Variants in SEMA6D observed in about 807,000 individuals in gnomAD.
SEMA6D encodes the protein semaphorin 6D, also known as semaphorin-6D.
Under a neutral mutation model 106.6 loss-of-function variants are expected in SEMA6D, and 35 were observed. The ratio of observed to expected loss-of-function variants is 0.33; its 90% CI spans 0.25 to 0.44. The LOEUF (loss-of-function observed/expected upper bound fraction) is 0.44. Ranked by LOEUF, SEMA6D falls within the 20% of genes least tolerant of loss-of-function variation. SEMA6D has a pLI of 1.00. For missense variants in SEMA6D, 1,185 were observed against 1,345.9 expected, an observed-to-expected ratio of 0.88 and a Z score of 1.87; for synonymous variants, 499 against 487.7, an observed-to-expected ratio of 1.02 and a Z score of -0.31.
At chr15:47,602,328 C>G (rs2076679425) in intron 4 of SEMA6D, among the ~76,000 whole-genome samples, 2 of 152,284 alleles carry the variant, frequency 1.3e-5, no homozygotes, top group Admixed American at 6.5e-5. Context: ...AAGGTAATTA[C>G]AATTGTCACC....
intron 1 of SEMA6D, among the ~76,000 whole-genome samples, chr15:47,247,525 T>C (rs934416202): frequency 5.3e-5 from 8 of 152,338 alleles, no homozygotes; most frequent in Admixed American, 4.6e-4. Context: ...AATATGATTT[T>C]ACATGAATTA....
chr15:47,349,025 G>A (rs186882740), intron 1 of SEMA6D, among the ~76,000 whole-genome samples: 127 of 152,198 alleles, frequency 8.3e-4, no homozygotes, highest in Non-Finnish European at 1.6e-3. Context: ...TAGGAGGGCT[G>A]GAGCAAGGGA....
At chr15:47,278,656 G>A (rs1595614799) in intron 1 of SEMA6D, among the ~76,000 whole-genome samples, 1 of 152,048 alleles carries the variant, frequency 6.6e-6, no homozygotes, top group Admixed American at 6.5e-5. Flanking sequence ...TGTTACCATT[G>A]CTTTTGGTGT....
chr15:47,575,623 G>A (rs2076143606), intron 3 of SEMA6D, among the ~76,000 whole-genome samples: 1 of 152,116 alleles, frequency 6.6e-6, no homozygotes, highest in African/African-American at 2.4e-5. Flanking sequence ...GGAGGCTGAG[G>A]CAGGAGAATC....
rs187911505 is a variant in SEMA6D, at chr15:47,397,256, T to C, written c.-238-15137T>C. On this transcript the variant is annotated intron_variant, in intron 1 of 19. Coordinates refer to the SEMA6D transcript ENST00000558014. ...TAGTATGTGGGTTCTGTGCTCATAG[T>C]AGAGGTCAGGCTAGAAATACCAATC... Among the ~76,000 whole-genome samples, 6 of 152,306 alleles carry C rather than the reference T, an allele frequency of 3.9e-5. No homozygotes were observed. In the East Asian group the frequency reaches 9.7e-4, roughly 25 times the overall value.
intron 2 of SEMA6D, among the ~76,000 whole-genome samples, chr15:47,413,344 C>A (rs769602546): frequency 6.6e-6 from 1 of 151,918 alleles, no homozygotes; most frequent in Non-Finnish European, 1.5e-5. Flanking sequence ...CTTTGAACCC[C>A]GTTTTGTTTA....
At position 47,572,656 on chromosome 15, in the gene SEMA6D, G is replaced by A. The variant is rs1407298269; in HGVS notation, c.-86-28209G>A. On this transcript the variant is annotated intron_variant, in intron 3 of 19. Transcript: ENST00000558014. ...CACATGCATTCTCACACATATACAC[G>A]CAAACACACAAACACATATATACAA... Among the ~76,000 whole-genome samples the A allele has an allele frequency of 5.3e-5, 8 of 152,020 alleles. No homozygotes were observed. The South Asian group carries it at 8.3e-4, about 16-fold the overall frequency.
chr15:47,405,079 G>A (rs1274783463), intron 1 of SEMA6D, among the ~76,000 whole-genome samples: 2 of 152,114 alleles, frequency 1.3e-5, no homozygotes. Context: ...GCAAGCAGCA[G>A]TGCAAAGGCA....
chr15:47,186,203 T>C (rs538876503), intron 1 of SEMA6D, among the ~76,000 whole-genome samples: 1 of 152,260 alleles, frequency 6.6e-6, no homozygotes, highest in South Asian at 2.1e-4. Flanking sequence ...ATGGACCTGC[T>C]AAGTGTATCA....
At chr15:47,539,859 T>C (rs1216730576) in intron 3 of SEMA6D, among the ~76,000 whole-genome samples, 2 of 152,142 alleles carry the variant, frequency 1.3e-5, no homozygotes, top group African/African-American at 4.8e-5. Context: ...TTCTCTATCA[T>C]GATGGAGTTG....
chr15:47,410,656 G>C (rs2040761124), intron 1 of SEMA6D, among the ~76,000 whole-genome samples: 1 of 152,080 alleles, frequency 6.6e-6, no homozygotes, highest in East Asian at 1.9e-4. Context: ...AAAATGACCT[G>C]TTCTTCTTGA....
At chr15:47,327,990 A>G (rs1330169558) in intron 1 of SEMA6D, among the ~76,000 whole-genome samples, 1 of 152,176 alleles carries the variant, frequency 6.6e-6, no homozygotes, top group Non-Finnish European at 1.5e-5. Context: ...AAATGAGGCT[A>G]ACATTTTTGT....
chr15:47,548,608 G>A (rs1199618285), intron 3 of SEMA6D, among the ~76,000 whole-genome samples: 4 of 152,074 alleles, frequency 2.6e-5, no homozygotes, highest in African/African-American at 9.7e-5. Context: ...AGAACATTGT[G>A]CTCCATAAAA....
Position 47,261,725 on chromosome 15 carries a change from A to G in SEMA6D, c.-239+77307A>G, listed in dbSNP as rs139243827. ...AACTAATGAATTCCTTTCTGTTTCT[A>G]TGGATGTGCCTATTTTTTACATTTC... On this transcript the variant is annotated intron_variant, in intron 1 of 19. Transcript: ENST00000558014. Among the ~76,000 whole-genome samples the G allele has an allele frequency of 7.7e-3, 1,178 of 152,166 alleles. 28 individuals are homozygous for G. Among genetic ancestry groups the G allele is most frequent in the African/African-American group, 0.027 (1,119 of 41,520 alleles).
chr15:47,207,978 G>T (rs1895190302), intron 1 of SEMA6D, among the ~76,000 whole-genome samples: 1 of 135,678 alleles, frequency 7.4e-6, no homozygotes, highest in African/African-American at 2.8e-5. Context: ...AGGTACAGTA[G>T]CCACTGGCGC....
At chr15:47,527,307 T>C (rs1462553407) in intron 3 of SEMA6D, among the ~76,000 whole-genome samples, 1 of 152,228 alleles carries the variant, frequency 6.6e-6, no homozygotes, top group Non-Finnish European at 1.5e-5. Context: ...GTTTAACTTA[T>C]ACAAGTGTTT....
At chr15:47,613,153 G>A (rs1453209239) in intron 4 of SEMA6D, among the ~76,000 whole-genome samples, 2 of 152,064 alleles carry the variant, frequency 1.3e-5, no homozygotes, top group African/African-American at 4.8e-5. Flanking sequence ...TCACAGCATT[G>A]AGAAAGCCTC....
In SEMA6D at chr15:47,207,991, G is replaced by GCA. The variant is rs779884565; in HGVS notation, c.-239+23574_-239+23575insAC. ...ACAGGTACAGTAGCCACTGGCGCGCGCGCACACACACACACACACACACAC... is the reference window on the plus strand; with the variant it reads ...ACAGGTACAGTAGCCACTGGCGCGCGCACGCACACACACACACACACACACAC... On this transcript the variant is annotated intron_variant, in intron 1 of 19. Coordinates refer to the SEMA6D transcript ENST00000558014. 5.1e-3 allele frequency among the ~76,000 whole-genome samples: 630 copies of GCA among 122,922 alleles called. 28 individuals carry two copies. Among genetic ancestry groups the GCA allele is most frequent in the East Asian group, 0.013 (54 of 4,146 alleles). 80.6% of individuals were successfully genotyped at this position (122,922 alleles called of 152,430 possible). A position where few individuals can be genotyped will look rare whatever the true frequency, so the allele number is the denominator to read the frequency against.
chr15:47,280,148 A>G (rs2035043960), intron 1 of SEMA6D, among the ~76,000 whole-genome samples: 1 of 152,142 alleles, frequency 6.6e-6, no homozygotes, highest in Non-Finnish European at 1.5e-5. Context: ...CTGTAAATCC[A>G]TCTGGTCCTG....
Sources: allele counts gnomAD v4.1 joint callset (sites outside exome capture counted in the v4.1 genomes callset), GRCh38; gene constraint gnomAD v4.1.1; transcripts MANE v1.5; gene names NCBI Gene and HGNC (gene_info 2026-07-23, HGNC 2026-07-21).